MAP3K4: variants seen among roughly 807,000 people sequenced by gnomAD.
The protein encoded by MAP3K4 is MAP three kinase 1.
Under a neutral mutation model 185.6 loss-of-function variants are expected in MAP3K4, and 67 were observed. That is an observed-to-expected ratio of 0.36 (90% CI 0.30 to 0.44). MAP3K4 has a LOEUF of 0.44. MAP3K4 is among the 20% of genes least tolerant of loss of function. The pLI, the probability that MAP3K4 is intolerant of heterozygous loss-of-function variation, is 1.00. For missense variants in MAP3K4, 1,551 were observed against 1,995.1 expected (o/e 0.78, Z 4.24); for synonymous variants, 702 against 710.4 (o/e 0.99, Z 0.19).
Position 161,061,978 on chromosome 6 carries a change from A to C in MAP3K4, c.1708-8630A>C, listed in dbSNP as rs1430937420. 6.6e-6 allele frequency among the ~76,000 whole-genome samples: 1 copy of C among 152,206 alleles called. No individual in the cohort carries two copies. The highest frequency in any genetic ancestry group is 1.5e-5 in the Non-Finnish European group (1 of 68,038). ...TTCTCAAAGAAGTTTAGCTTCTCTG[A>C]CAGGGATAGTTAATCTTTTAAAACA... On this transcript the variant is annotated intron_variant, in intron 3 of 26. Transcript: ENST00000392142. This position sits in a 1 kb window ranked among gnomAD's most constrained non-coding sequence, Gnocchi z 4.2.
In MAP3K4 at chr6:161,049,215, G is replaced by T. The variant is rs1294199905; in HGVS notation, c.943G>T (p.Ala315Ser). The change falls in exon 3 of 27, where the codon GCT (alanine) becomes TCT (serine). Residue 315 changes from alanine to serine, a missense_variant. Around this residue, in one of 16 missense-constraint regions of MAP3K4, gnomAD observed 93 missense variants for 96.7 expected, o/e 0.96. Transcript: ENST00000392142. This position sits in a 1 kb window ranked among gnomAD's most constrained non-coding sequence, Gnocchi z 8.4. ...YGSFAFVRDR[A>S]GFNGTSVEGQ... ...GAGCTTCGCCTTTGTTAGAGATAGA[G>T]CTGGTTTTAATGGTACTTCAGTAGA... 3 of 1,614,018 alleles carry T rather than the reference G, an allele frequency of 1.9e-6. No individual in the cohort carries two copies.
rs1181220550 is a variant in MAP3K4, at chr6:161,073,620, G to T, written c.2097+8G>T. Reference sequence around the variant, plus strand: ...CTACATAAAATGCTTATGGTCAGAAGCAGTGGGGAGGAATTTTTCTTTCTT... The same window carrying T: ...CTACATAAAATGCTTATGGTCAGAATCAGTGGGGAGGAATTTTTCTTTCTT... On this transcript the variant is annotated splice_region_variant and intron_variant, in intron 5 of 26. Coordinates refer to ENST00000392142, the MANE Select transcript of MAP3K4 (RefSeq NM_005922.4). This position sits in a 1 kb window ranked among gnomAD's most constrained non-coding sequence, Gnocchi z 4.2. 1 of 1,596,186 alleles carries T rather than the reference G, an allele frequency of 6.3e-7. No individual in the cohort carries two copies. Among genetic ancestry groups the T allele is most frequent in the Admixed American group, 1.8e-5 (1 of 55,104 alleles).
chr6:161,000,847 G>A (rs760003754), intron 1 of MAP3K4, among the ~76,000 whole-genome samples: 22 of 143,306 alleles, frequency 1.5e-4, no homozygotes, highest in Admixed American at 2.0e-4. Flanking sequence ...ACATGTGTAC[G>A]CACATATACA....
intron 1 of MAP3K4, among the ~76,000 whole-genome samples, chr6:161,030,687 T>C (rs1279508957): frequency 2.0e-5 from 3 of 152,188 alleles, no homozygotes; most frequent in Non-Finnish European, 2.9e-5. Flanking sequence ...GGTGCTGGGA[T>C]TACAGACATG....
In MAP3K4 at chr6:161,067,347, T is replaced by A; in HGVS notation, c.1708-3261T>A. The A allele has an allele frequency of 2.6e-6, 1 of 377,874 alleles. No individual in the cohort carries two copies. Among genetic ancestry groups the A allele is most frequent in the Non-Finnish European group, 5.4e-6 (1 of 186,860 alleles). The allele number at this position is 377,874 out of a possible 1,614,324, so 23.4% of individuals were successfully genotyped here. On this transcript the variant is annotated intron_variant, in intron 3 of 26. Coordinates refer to ENST00000392142, the MANE Select transcript of MAP3K4 (RefSeq NM_005922.4). This position sits in a 1 kb window ranked among gnomAD's most constrained non-coding sequence, Gnocchi z 6.3. ...TTTTTTGAATTTCTGATTAGCTTCCTTATGCATCGATCTCAGTGAGCAGAG... is the reference window on the plus strand; with the variant it reads ...TTTTTTGAATTTCTGATTAGCTTCCATATGCATCGATCTCAGTGAGCAGAG...
At chr6:161,113,153 G>A (rs1213298324) in intron 25 of MAP3K4, among the ~76,000 whole-genome samples, 1 of 152,184 alleles carries the variant, frequency 6.6e-6, no homozygotes. Flanking sequence ...ATGTTCTTCA[G>A]TAGATTATTC....
intron 1 of MAP3K4, among the ~76,000 whole-genome samples, chr6:161,020,141 G>A (rs565193420): frequency 6.6e-6 from 1 of 152,280 alleles, no homozygotes; most frequent in South Asian, 2.1e-4. Context: ...TTGAATACAT[G>A]TCACTGTGAG....
intron 4 of MAP3K4, among the ~76,000 whole-genome samples, chr6:161,072,176 G>C (rs922065345): frequency 6.6e-6 from 1 of 152,148 alleles, no homozygotes; most frequent in African/African-American, 2.4e-5. Flanking sequence ...AGATTTAACT[G>C]TAGCCATAGC....
At chr6:160,993,106 A>G (rs975400506) in intron 1 of MAP3K4, among the ~76,000 whole-genome samples, 10 of 152,212 alleles carry the variant, frequency 6.6e-5, no homozygotes, top group Non-Finnish European at 1.2e-4. Context: ...CACAGGAGCC[A>G]TATTCTTGCT....
intron 1 of MAP3K4, among the ~76,000 whole-genome samples, chr6:161,033,238 T>C (rs1445012034): frequency 1.3e-5 from 2 of 152,170 alleles, no homozygotes; most frequent in Non-Finnish European, 2.9e-5. Context: ...TATATAAATA[T>C]AAAGCATATT....
chr6:161,029,214 C>T (rs1782807041), intron 1 of MAP3K4, among the ~76,000 whole-genome samples: 1 of 148,394 alleles, frequency 6.7e-6, no homozygotes, highest in Non-Finnish European at 1.5e-5. Flanking sequence ...CGAAGGATGT[C>T]GCTAAATGAA....
At chr6:161,060,588 TGA>T (rs1432887759) in intron 3 of MAP3K4, among the ~76,000 whole-genome samples, 1 of 151,918 alleles carries the variant, frequency 6.6e-6, no homozygotes, top group Non-Finnish European at 1.5e-5. Context: ...TGTTCCAGGT[TGA>T]GAGTCAGATA....
Position 161,096,601 on chromosome 6 carries a change from A to C in MAP3K4, c.3428-479A>C, listed in dbSNP as rs1321614328. On this transcript the variant is annotated intron_variant, in intron 15 of 26. Coordinates refer to ENST00000392142, the MANE Select transcript of MAP3K4 (RefSeq NM_005922.4). This position sits in a 1 kb window ranked among gnomAD's most constrained non-coding sequence, Gnocchi z 4.9. Reference sequence around the variant, plus strand: ...AGAAAACATGCTCTTGAAAAAAATGACTCAGTTAAATCTACCTGATCTGGT... The same window carrying C: ...AGAAAACATGCTCTTGAAAAAAATGCCTCAGTTAAATCTACCTGATCTGGT... 2 of 152,324 alleles carry C rather than the reference A, an allele frequency of 1.3e-5. No homozygotes were observed. The highest frequency in any genetic ancestry group is 2.9e-5 in the Non-Finnish European group (2 of 68,122). The allele number at this position is 152,324 out of a possible 1,614,324, so 9.4% of individuals were successfully genotyped here.
rs1378954818 is a variant in MAP3K4, at chr6:161,107,579, A to AG, written c.4049-316dup. On this transcript the variant is annotated intron_variant, in intron 20 of 26. Transcript: ENST00000392142. The surrounding 1 kb of genome is among the most constrained non-coding windows in gnomAD (Gnocchi z 6.2). ...CCCAGCCCCAGCCAAGATCTCCTTG[A>AG]GGGGTGTGAGGGCTCAGAGGTGTGC... 6.6e-6 allele frequency among the ~76,000 whole-genome samples: 1 copy of AG among 152,076 alleles called. No individual in the cohort carries two copies. The highest frequency in any genetic ancestry group is 1.5e-5 in the Non-Finnish European group (1 of 68,018).
chr6:161,115,178 G>T lies in MAP3K4; in HGVS notation c.4682G>T (p.Gly1561Val). The T allele has an allele frequency of 6.2e-7, 1 of 1,614,156 alleles. No homozygotes were observed. Among genetic ancestry groups the T allele is most frequent in the Non-Finnish European group, 8.5e-7 (1 of 1,180,006 alleles). Residue 1561 changes from glycine (G) to valine (V), a missense_variant, in exon 26 of 27, where the codon GGA (glycine) becomes GTA (valine). Physicochemically the swap from Gly to Val is moderately radical, Grantham distance 109 (BLOSUM62 -3). Coordinates refer to ENST00000392142, the MANE Select transcript of MAP3K4 (RefSeq NM_005922.4). The surrounding 1 kb of genome is among the most constrained non-coding windows in gnomAD (Gnocchi z 6.0). ...CAAATTATGTATAAAGTGGGGATGG[G>T]ACATAAGCCACCAATCCCTGAAAGA... ...NFQIMYKVGM[G>V]HKPPIPERLS...
At chr6:161,081,123 G>A (rs2114841540) in intron 6 of MAP3K4, 85 bp downstream of exon 6, 3 of 1,416,912 alleles carry the variant, frequency 2.1e-6, no homozygotes, top group Admixed American at 2.1e-5. Context: ...CTATGTGTTT[G>A]TATGTTTAGT....
chr6:161,102,808 A>G, intron 19 of MAP3K4, 29 bp downstream of exon 19: 1 of 1,358,750 alleles, frequency 7.4e-7, no homozygotes, highest in Non-Finnish European at 1.0e-6. Flanking sequence ...AAGTTAAAAA[A>G]AAAAAAAAAA....
Position 161,008,734 on chromosome 6 carries a change from C to T in MAP3K4, c.152+16651C>T, listed in dbSNP as rs1428630766. ...GAGCAGCATCCTAGAAAATCTCTTC[C>T]TACTTCTTGCACACACTACCCTTTC... is the stretch of plus-strand genomic sequence containing the variant. On this transcript the variant is annotated intron_variant, in intron 1 of 26. Coordinates refer to ENST00000392142, the MANE Select transcript of MAP3K4 (RefSeq NM_005922.4). The surrounding 1 kb of genome is among the most constrained non-coding windows in gnomAD (Gnocchi z 4.1). Among the ~76,000 whole-genome samples the T allele has an allele frequency of 6.6e-6, 1 of 152,120 alleles. No homozygotes were observed. The highest frequency in any genetic ancestry group is 2.4e-5 in the African/African-American group (1 of 41,428).
At chr6:161,031,038 G>A (rs1311593805) in intron 1 of MAP3K4, among the ~76,000 whole-genome samples, 1 of 152,098 alleles carries the variant, frequency 6.6e-6, no homozygotes, top group East Asian at 1.9e-4. Context: ...ACTGTGTTTT[G>A]TCTTATTTTA....
Sources: gnomAD v4.1 joint callset for allele counts (sites outside exome capture counted in the v4.1 genomes callset) on GRCh38, gnomAD v4.1.1 for gene constraint, gnomAD v4.1.1 regional missense constraint, Gnocchi (gnomAD v3.1) non-coding constraint, MANE v1.5 for transcripts, NCBI Gene and HGNC (gene_info 2026-07-23, HGNC 2026-07-21) for gene names.